The following SYT14 variants were observed in gnomAD, a reference collection of about 807,000 sequenced individuals.
SYT14 encodes synaptotagmin 14.
Under a neutral mutation model 74.2 loss-of-function variants are expected in SYT14, and 32 were observed. The observed-to-expected ratio is 0.43, with a 90% CI of 0.33 to 0.58. The LOEUF is 0.58. Among genes scored for constraint, SYT14 ranks in the 20% least tolerant of loss-of-function variants. SYT14 has a pLI of 0.05. For missense variants in SYT14, 791 were observed against 981.8 expected, an observed-to-expected ratio of 0.81 and a Z score of 2.60; for synonymous variants, 298 against 337.7, an observed-to-expected ratio of 0.88 and a Z score of 1.29.
rs1215224362 is a variant in SYT14 at position 209,999,993 on chromosome 1, G to T, written c.-485-13640G>T. Among the ~76,000 whole-genome samples, 3 of 152,164 alleles carry T rather than the reference G, an allele frequency of 2.0e-5. No homozygotes were observed. In the East Asian group the frequency reaches 5.8e-4, roughly 29 times the overall value. ...CTTGGTCATAACACATTCTATTCTTGTAACAAAATATCAGATGTACCCCAT... is the reference window on the plus strand; with the variant it reads ...CTTGGTCATAACACATTCTATTCTTTTAACAAAATATCAGATGTACCCCAT... On this transcript the variant is annotated intron_variant, in intron 2 of 9. Transcript: ENST00000637265.
At chr1:210,151,376 C>T (rs998878431) in intron 7 of SYT14, among the ~76,000 whole-genome samples, 4 of 151,962 alleles carry the variant, frequency 2.6e-5, no homozygotes, top group Non-Finnish European at 4.4e-5. Flanking sequence ...CAGACAGCAT[C>T]GATATTTAAT....
chr1:209,948,492 A>G, intron 1 of SYT14, among the ~76,000 whole-genome samples: 1 of 152,178 alleles, frequency 6.6e-6, no homozygotes, highest in East Asian at 1.9e-4. Flanking sequence ...TAAGCTTGTC[A>G]CTTTCTATCT....
At chr1:210,135,588 T>C (rs1472398889) in intron 7 of SYT14, among the ~76,000 whole-genome samples, 3 of 152,214 alleles carry the variant, frequency 2.0e-5, no homozygotes, top group African/African-American at 7.2e-5. Context: ...TTTTTATCAA[T>C]TGACTTTTTT....
chr1:209,992,152 T>C (rs1310789603), intron 2 of SYT14, among the ~76,000 whole-genome samples: 22 of 152,158 alleles, frequency 1.4e-4, no homozygotes, highest in Admixed American at 1.4e-3. Flanking sequence ...TTTGTTGTTG[T>C]TGTTTTTGCT....
intron 2 of SYT14, among the ~76,000 whole-genome samples, chr1:209,999,054 G>A (rs2079847456): frequency 6.6e-6 from 1 of 151,992 alleles, no homozygotes; most frequent in Non-Finnish European, 1.5e-5. Flanking sequence ...ATTTGACAAG[G>A]AACTTATTTG....
intron 5 of SYT14, among the ~76,000 whole-genome samples, chr1:210,026,558 A>G (rs183314488): frequency 6.6e-6 from 1 of 151,652 alleles, no homozygotes; most frequent in Admixed American, 6.6e-5. Flanking sequence ...TGTAAAACCC[A>G]CTGAAAAATA....
chr1:210,074,200 T>C (rs1335627197), intron 5 of SYT14, among the ~76,000 whole-genome samples: 2 of 152,222 alleles, frequency 1.3e-5, no homozygotes, highest in Admixed American at 1.3e-4. Context: ...CAACTAAATT[T>C]ACCGACACTA....
At chr1:210,129,032 G>T (rs2082624416) in intron 7 of SYT14, among the ~76,000 whole-genome samples, 1 of 152,098 alleles carries the variant, frequency 6.6e-6, no homozygotes, top group African/African-American at 2.4e-5. Context: ...AGCTTCAGGA[G>T]TAGAATTATA....
chr1:210,080,156 A>G (rs541969065), intron 5 of SYT14, among the ~76,000 whole-genome samples: 1 of 152,358 alleles, frequency 6.6e-6, no homozygotes, highest in South Asian at 2.1e-4. Flanking sequence ...GTGAATTTAA[A>G]GCAATGGATT....
At chr1:210,077,563 A>G (rs745476492) in intron 5 of SYT14, among the ~76,000 whole-genome samples, 1 of 152,260 alleles carries the variant, frequency 6.6e-6, no homozygotes, top group Non-Finnish European at 1.5e-5. Flanking sequence ...ATGTACAAAA[A>G]ATCGTTGTGT....
chr1:210,050,845 C>CGAGGGAG (rs1286373527), intron 5 of SYT14, among the ~76,000 whole-genome samples: 2 of 152,168 alleles, frequency 1.3e-5, no homozygotes, highest in Non-Finnish European at 2.9e-5. Context: ...GAGTTCCTCC[C>CGAGGGAG]ATGACACACA....
intron 7 of SYT14, among the ~76,000 whole-genome samples, chr1:210,132,765 A>G (rs2082703766): frequency 6.6e-6 from 1 of 152,096 alleles, no homozygotes; most frequent in African/African-American, 2.4e-5. Context: ...GATTAAAGAC[A>G]GAGAAACTGA....
chr1:210,114,798 G>T (rs972636770), intron 7 of SYT14, among the ~76,000 whole-genome samples: 1 of 151,232 alleles, frequency 6.6e-6, no homozygotes, highest in African/African-American at 2.5e-5. Flanking sequence ...GTGAGGAGGG[G>T]AGGTGATAAA....
intron 5 of SYT14, among the ~76,000 whole-genome samples, chr1:210,059,015 A>T (rs1484084642): frequency 6.6e-6 from 1 of 152,176 alleles, no homozygotes; most frequent in Non-Finnish European, 1.5e-5. Context: ...TACTTATATT[A>T]GTTCATTTAA....
chr1:210,147,036 G>A (rs1041176209), intron 7 of SYT14, among the ~76,000 whole-genome samples: 2 of 151,916 alleles, frequency 1.3e-5, no homozygotes, highest in Admixed American at 6.6e-5. Context: ...AGGAAGAATT[G>A]GTCCACCATG....
chr1:210,023,331 T>A (rs757967206), intron 5 of SYT14, among the ~76,000 whole-genome samples: 1 of 151,996 alleles, frequency 6.6e-6, no homozygotes, highest in Non-Finnish European at 1.5e-5. Context: ...AGTAGAAATA[T>A]AGAGGAAATT....
rs1017034301 is a variant in SYT14 at position 210,046,425 on chromosome 1, T to C, written c.1312+25171T>C. 4.0e-4 allele frequency among the ~76,000 whole-genome samples: 13 copies of C among 32,638 alleles called. No homozygotes were observed. The Admixed American group carries it at 4.6e-3, about 12-fold the overall frequency. The allele number at this position is 32,638 out of a possible 152,430, so 21.4% of individuals were successfully genotyped here. A position where few individuals can be genotyped will look rare whatever the true frequency, so the allele number is the denominator to read the frequency against. ...ATTTCAAGTGTACAAGTCAATGATTTTTTTTTTTGTAACTTTACTGAATGG... is the reference window on the plus strand; with the variant it reads ...ATTTCAAGTGTACAAGTCAATGATTCTTTTTTTTGTAACTTTACTGAATGG... On this transcript the variant is annotated intron_variant, in intron 5 of 9. Coordinates refer to ENST00000637265, the Ensembl canonical transcript of SYT14.
intron 7 of SYT14, among the ~76,000 whole-genome samples, chr1:210,125,777 A>C (rs2082557040): frequency 6.6e-6 from 1 of 152,230 alleles, no homozygotes; most frequent in Admixed American, 6.5e-5. Context: ...AGGTTTTCAG[A>C]TTTTAAAATT....
chr1:210,121,319 G>A (rs530479917), intron 7 of SYT14, among the ~76,000 whole-genome samples: 13 of 152,120 alleles, frequency 8.5e-5, no homozygotes, highest in Admixed American at 3.3e-4. Flanking sequence ...ATACTAGTCC[G>A]CAAGTAAAAA....
Sources: gnomAD v4.1 joint callset for allele counts (sites outside exome capture counted in the v4.1 genomes callset) on GRCh38, gnomAD v4.1.1 for gene constraint, MANE v1.5 for transcripts, NCBI Gene and HGNC (gene_info 2026-07-23, HGNC 2026-07-21) for gene names.